Variants in CNNM1 observed in about 807,000 individuals in gnomAD.
CNNM1 encodes metal transporter CNNM1.
Under a neutral mutation model 78.8 loss-of-function variants are expected in CNNM1, and 44 were observed. The observed-to-expected ratio is 0.56, with a 90% CI of 0.44 to 0.72. CNNM1 has a LOEUF of 0.72. Ranked by LOEUF, CNNM1 falls within the 30% of genes least tolerant of loss-of-function variation. The probability of loss-of-function intolerance (pLI) is 0.00; values close to 1 mark genes in which losing one functional copy is unlikely to be tolerated. For synonymous variants in CNNM1, 584 were observed against 581.5 expected (o/e 1.00, Z -0.06); for missense variants, 1,101 against 1,292.2 (o/e 0.85, Z 2.27).
Position 99,330,023 on chromosome 10 carries a change from C to A in CNNM1, c.636C>A (p.Tyr212Ter). 2.1e-6 allele frequency: 3 copies of A among 1,439,890 alleles called. No individual in the cohort carries two copies. Among genetic ancestry groups the A allele is most frequent in the Non-Finnish European group, 2.7e-6 (3 of 1,110,110 alleles). 89.2% of individuals were successfully genotyped at this position (1,439,890 alleles called of 1,614,324 possible). ...GFLLRVRPRL[Y>*]GPGGDLLPPA... ...TGCTGCGCGTTCGCCCGCGGTTGTA[C>A]GGCCCAGGCGGGGACCTGCTGCCCC... Residue 212 changes from tyrosine (Y) to a stop codon, truncating the protein, a stop_gained, in exon 1 of 11, where the codon TAC becomes TAA. Transcript: ENST00000356713. LOFTEE classifies it high-confidence loss of function.
At chr10:99,348,232 G>A (rs2030794340) in intron 1 of CNNM1, among the ~76,000 whole-genome samples, 2 of 151,924 alleles carry the variant, frequency 1.3e-5, no homozygotes, top group Non-Finnish European at 2.9e-5. Flanking sequence ...TTTTTGTAAA[G>A]ATGAAGTTTT....
At chr10:99,331,746 G>A (rs1271819822) in intron 1 of CNNM1, among the ~76,000 whole-genome samples, 1 of 152,102 alleles carries the variant, frequency 6.6e-6, no homozygotes, top group Non-Finnish European at 1.5e-5. Flanking sequence ...AAGTACTCAG[G>A]TTGGGGGTTA....
At chr10:99,373,303 T>C (rs543329261) in intron 6 of CNNM1, among the ~76,000 whole-genome samples, 1 of 152,304 alleles carries the variant, frequency 6.6e-6, no homozygotes, top group East Asian at 1.9e-4. Flanking sequence ...GGTGATTCTC[T>C]GGGCAGCTGA....
At chr10:99,388,122 G>T (rs1458072585) in intron 8 of CNNM1, 30 bp from the exon 9 acceptor site, 3 of 1,612,916 alleles carry the variant, frequency 1.9e-6, no homozygotes, top group Non-Finnish European at 2.5e-6. Flanking sequence ...CTCCAAAGCA[G>T]AGAGGTGATG....
At position 99,364,438 on chromosome 10, in the gene CNNM1, G is replaced by A. The variant is rs780976932; in HGVS notation, c.2050G>A (p.Gly684Ser). 3 of 1,611,498 alleles carry A rather than the reference G, an allele frequency of 1.9e-6. No homozygotes were observed. The South Asian group carries it at 3.3e-5, about 18-fold the overall frequency. Residue 684 changes from glycine to serine, a missense_variant, in exon 5 of 11, where the codon GGT becomes AGT. Coordinates refer to ENST00000356713, the MANE Select transcript of CNNM1 (RefSeq NM_020348.3). ...CCAGGGTAAAGTGGAGGTGGAGGTTGGTAAGGAAGGCCTTCGCTTTGAAAA... is the reference window on the plus strand; with the variant it reads ...CCAGGGTAAAGTGGAGGTGGAGGTTAGTAAGGAAGGCCTTCGCTTTGAAAA... ...LLQGKVEVEV[G>S]KEGLRFENGA... is the part of the protein sequence containing the mutation.
At chr10:99,341,668 A>G (rs575081484) in intron 1 of CNNM1, among the ~76,000 whole-genome samples, 18 of 152,136 alleles carry the variant, frequency 1.2e-4, no homozygotes, top group Non-Finnish European at 2.5e-4. Context: ...CAGGAGTTTG[A>G]GCTGAAAAAG....
In CNNM1 at chr10:99,362,220, C is replaced by A; in HGVS notation, c.1859-7C>A. 1 of 1,605,722 alleles carries A rather than the reference C, an allele frequency of 6.2e-7. No individual in the cohort carries two copies. ...TGATTCCTCCCTTCCCACTCACTCT[C>A]CTCTAGAAGTGGAGCCCTTTAAGTC... On this transcript the variant is annotated splice_polypyrimidine_tract_variant and splice_region_variant and intron_variant, in intron 3 of 10. Transcript: ENST00000356713.
At position 99,392,434 on chromosome 10, in the gene CNNM1, T is replaced by C. The variant is rs11592057; in HGVS notation, c.*918T>C. ...CATGACAAACCAAAGAGTGCCCAGGTCAGCCAAGAAAGATACATAATCTCA... is the reference window on the plus strand; with the variant it reads ...CATGACAAACCAAAGAGTGCCCAGGCCAGCCAAGAAAGATACATAATCTCA... On this transcript the variant is annotated 3_prime_UTR_variant, in exon 11 of 11. Transcript: ENST00000356713. The C allele has an allele frequency of 0.21, 31,577 of 152,582 alleles. 3,456 individuals carry two copies. The highest frequency in any genetic ancestry group is 0.29 in the Admixed American group (4,466 of 15,298). The allele number at this position is 152,582 out of a possible 1,614,324, so 9.5% of individuals were successfully genotyped here. A position where few individuals can be genotyped will look rare whatever the true frequency, so the allele number is the denominator to read the frequency against.
chr10:99,336,597 C>A (rs2030198848), intron 1 of CNNM1, among the ~76,000 whole-genome samples: 1 of 152,224 alleles, frequency 6.6e-6, no homozygotes, highest in African/African-American at 2.4e-5. Flanking sequence ...AGAACATCAT[C>A]AACATAGTCC....
intron 1 of CNNM1, among the ~76,000 whole-genome samples, chr10:99,342,536 G>A (rs2030499847): frequency 6.6e-6 from 1 of 152,132 alleles, no homozygotes; most frequent in African/African-American, 2.4e-5. Context: ...ATAAAGTACA[G>A]CCTTTTTTTT....
intron 4 of CNNM1, 149 bp from the exon 5 acceptor site, chr10:99,364,268 A>G: frequency 1.7e-6 from 1 of 601,594 alleles, no homozygotes; most frequent in Non-Finnish European, 2.9e-6. Context: ...TCTCACATGT[A>G]AATCTGGAGA....
intron 2 of CNNM1, among the ~76,000 whole-genome samples, chr10:99,360,139 TTCTTCTCCTC>T (rs2031380964): frequency 6.6e-6 from 1 of 152,210 alleles, no homozygotes; most frequent in Admixed American, 6.5e-5. Context: ...CCAATCTTAT[TTCTTCTCCTC>T]TCTTCTTCCC....
chr10:99,365,117 C>T, intron 6 of CNNM1, 115 bp downstream of exon 6: 1 of 1,025,522 alleles, frequency 9.8e-7, no homozygotes, highest in Non-Finnish European at 1.5e-6. Flanking sequence ...CAAATGCTGG[C>T]AGCCCCTTTG....
Position 99,336,021 on chromosome 10 carries a change from A to G in CNNM1, c.1573+5061A>G, listed in dbSNP as rs143854055. Among the ~76,000 whole-genome samples, 132 of 152,330 alleles carry G rather than the reference A, an allele frequency of 8.7e-4. 1 individual carries two copies. The highest frequency in any genetic ancestry group is 2.9e-3 in the African/African-American group (122 of 41,578). On this transcript the variant is annotated intron_variant, in intron 1 of 10. Transcript: ENST00000356713. ...CTCTGGGTGTCGTTAGGGCTTCAAC[A>G]TATGAATTTTGTGGGAAGACAAACA...
In CNNM1 at chr10:99,392,225, C is replaced by A. The variant is rs2032493958; in HGVS notation, c.*709C>A. On this transcript the variant is annotated 3_prime_UTR_variant, in exon 11 of 11. Coordinates refer to ENST00000356713, the MANE Select transcript of CNNM1 (RefSeq NM_020348.3). ...GTCACTGTTTTTACCAGGGACACAT[C>A]TGTTTTGGCTCCCAATCAGCAGTCT... The A allele has an allele frequency of 2.0e-5, 3 of 152,268 alleles. No homozygotes were observed. Among genetic ancestry groups the A allele is most frequent in the African/African-American group, 7.2e-5 (3 of 41,440 alleles). The allele number at this position is 152,268 out of a possible 1,614,324, so 9.4% of individuals were successfully genotyped here. A position where few individuals can be genotyped will look rare whatever the true frequency, so the allele number is the denominator to read the frequency against.
At chr10:99,331,025 C>T in intron 1 of CNNM1, 65 bp downstream of exon 1, 4 of 1,470,908 alleles carry the variant, frequency 2.7e-6, no homozygotes, top group Non-Finnish European at 3.7e-6. Flanking sequence ...CTTTCCTAAC[C>T]ACGTGAGGCT....
rs2031996605 is a variant in CNNM1 at position 99,377,190 on chromosome 10, A to G, written c.2312A>G (p.His771Arg). 1.2e-6 allele frequency: 2 copies of G among 1,613,702 alleles called. No homozygotes were observed. Among genetic ancestry groups the G allele is most frequent in the South Asian group, 1.1e-5 (1 of 90,934 alleles). The part of the protein sequence containing the change: ...NNLYMPDYSV[H>R]ILSDVQFVKI... ...CTCTACATGCCTGACTACTCAGTCC[A>G]CATCCTCAGCGATGTGCAGTTTGTG... Residue 771 changes from histidine (H) to arginine (R), a missense_variant, in exon 7 of 11, where the codon CAC becomes CGC. By Grantham distance (29) the His-to-Arg change is conservative. Coordinates refer to ENST00000356713, the MANE Select transcript of CNNM1 (RefSeq NM_020348.3).
intron 2 of CNNM1, among the ~76,000 whole-genome samples, chr10:99,359,031 A>AAAAAAAAT (rs1564948924): frequency 7.6e-6 from 1 of 131,050 alleles, no homozygotes. Flanking sequence ...AAAAAAAAAA[A>AAAAAAAAT]AAAAAAATCC....
rs184965087 is a variant in CNNM1, at chr10:99,338,584, T to C, written c.1573+7624T>C. Among the ~76,000 whole-genome samples the C allele has an allele frequency of 9.5e-4, 145 of 152,248 alleles. 1 individual carries two copies. The highest frequency in any genetic ancestry group is 3.1e-3 in the Admixed American group (47 of 15,288). ...GTGAGCCATTGCACCCAGTCATATT[T>C]TGCTTTTATAAATTTTTTACTGAAG... On this transcript the variant is annotated intron_variant, in intron 1 of 10. Transcript: ENST00000356713.
Sources: gnomAD v4.1 joint callset for allele counts (sites outside exome capture counted in the v4.1 genomes callset) on GRCh38, gnomAD v4.1.1 for gene constraint, MANE v1.5 for transcripts, NCBI Gene and HGNC (gene_info 2026-07-23, HGNC 2026-07-21) for gene names.